Variants in MAP3K13 observed in about 807,000 individuals in gnomAD.
MAP3K13 encodes leucine zipper-bearing kinase.
In MAP3K13, 52 loss-of-function variants were observed where a neutral mutation model predicts 104.0. The observed-to-expected ratio is 0.50, with a 90% CI of 0.40 to 0.63. The LOEUF (loss-of-function observed/expected upper bound fraction) is 0.63, where lower values mean the gene tolerates loss of function less well. Ranked by LOEUF, MAP3K13 falls within the 20% of genes least tolerant of loss-of-function variation. The probability of loss-of-function intolerance (pLI) is 0.00; values close to 1 mark genes in which losing one functional copy is unlikely to be tolerated. For synonymous variants in MAP3K13, 394 were observed against 442.2 expected (o/e 0.89, Z 1.37); for missense variants, 914 against 1,218.5 (o/e 0.75, Z 3.72).
At chr3:185,448,017 C>T (rs1392204878) in intron 5 of MAP3K13, 70 bp downstream of exon 5, 2 of 1,458,830 alleles carry the variant, frequency 1.4e-6, no homozygotes, top group Non-Finnish European at 1.9e-6. Flanking sequence ...CACTGTCTTC[C>T]TTCAGCACTT....
chr3:185,325,099 G>T (rs1722001783), intron 2 of MAP3K13, among the ~76,000 whole-genome samples: 1 of 152,136 alleles, frequency 6.6e-6, no homozygotes, highest in Admixed American at 6.5e-5. Context: ...TAATAATTTG[G>T]GTGAAATCAT....
intron 2 of MAP3K13, among the ~76,000 whole-genome samples, chr3:185,305,007 T>G (rs1204868559): frequency 6.6e-6 from 1 of 152,250 alleles, no homozygotes; most frequent in Non-Finnish European, 1.5e-5. Flanking sequence ...ATGTGTGTTC[T>G]TATATCTAAA....
chr3:185,399,555 C>T (rs1289526014), intron 1 of MAP3K13, among the ~76,000 whole-genome samples: 1 of 147,416 alleles, frequency 6.8e-6, no homozygotes, highest in Non-Finnish European at 1.5e-5. Flanking sequence ...TTGCAGTGAG[C>T]GGAGATCACA....
chr3:185,342,888 G>A (rs1722771608), intron 2 of MAP3K13, among the ~76,000 whole-genome samples: 1 of 152,202 alleles, frequency 6.6e-6, no homozygotes, highest in Non-Finnish European at 1.5e-5. Flanking sequence ...TTCTCTGGAT[G>A]CTTAACTGGG....
rs988869308 is a variant in MAP3K13 at position 185,349,640 on chromosome 3, G to A, written c.-86+63997G>A. Among the ~76,000 whole-genome samples the A allele has an allele frequency of 2.6e-5, 4 of 152,228 alleles. 1 individual carries two copies. Among genetic ancestry groups the A allele is most frequent in the Non-Finnish European group, 2.9e-5 (2 of 68,034 alleles). ...ATCCCAGCCCAAATTCTGTATGTGA[G>A]ACGTATTAAGAAAGGAAACTTTCCA... On this transcript the variant is annotated intron_variant, in intron 2 of 14. Coordinates refer to the MAP3K13 transcript ENST00000424227.
At chr3:185,452,235 A>AT (rs1715931390) in intron 7 of MAP3K13, among the ~76,000 whole-genome samples, 2 of 151,916 alleles carry the variant, frequency 1.3e-5, no homozygotes, top group South Asian at 4.2e-4. Flanking sequence ...TTTTATTTTT[A>AT]TTTTTTGAGA....
chr3:185,331,820 A>T (rs1184242944), intron 2 of MAP3K13, among the ~76,000 whole-genome samples: 1 of 152,162 alleles, frequency 6.6e-6, no homozygotes, highest in Non-Finnish European at 1.5e-5. Flanking sequence ...GAGTTTCTTG[A>T]TATATGTAGT....
chr3:185,453,670 G>A (rs889252170), intron 7 of MAP3K13, among the ~76,000 whole-genome samples: 1 of 151,252 alleles, frequency 6.6e-6, no homozygotes, highest in Non-Finnish European at 1.5e-5. Context: ...TCAGGAGGCT[G>A]AGGCAGGAGA....
intron 10 of MAP3K13, among the ~76,000 whole-genome samples, chr3:185,467,796 A>G (rs867010791): frequency 3.3e-5 from 5 of 151,976 alleles, no homozygotes; most frequent in African/African-American, 4.8e-5. Flanking sequence ...AAAAAAAAAA[A>G]AAAGAAATAC....
chr3:185,336,712 A>T (rs930007382), intron 2 of MAP3K13, among the ~76,000 whole-genome samples: 1 of 151,404 alleles, frequency 6.6e-6, no homozygotes, highest in Non-Finnish European at 1.5e-5. Flanking sequence ...TAGACTATAC[A>T]TGACTGGAAG....
chr3:185,455,775 T>TATATATATGAGATATATATATGAG (rs1716660017), intron 7 of MAP3K13, among the ~76,000 whole-genome samples: 2 of 66,566 alleles, frequency 3.0e-5, no homozygotes, highest in African/African-American at 6.3e-5. Flanking sequence ...ATATATATGA[T>TATATATATGAGATATATATATGAG]ATATATATGA....
chr3:185,377,111 G>A (rs1724466344), intron 1 of MAP3K13, among the ~76,000 whole-genome samples: 1 of 152,112 alleles, frequency 6.6e-6, no homozygotes, highest in South Asian at 2.1e-4. Flanking sequence ...GGGTGCATAG[G>A]CAAGACAATT....
chr3:185,388,418 C>T (rs1711831572), intron 1 of MAP3K13, among the ~76,000 whole-genome samples: 1 of 152,014 alleles, frequency 6.6e-6, no homozygotes, highest in Non-Finnish European at 1.5e-5. Flanking sequence ...GGGAGCATTG[C>T]TTGAGCCCAG....
intron 2 of MAP3K13, among the ~76,000 whole-genome samples, chr3:185,324,940 T>C (rs2108699384): frequency 1.3e-5 from 2 of 152,188 alleles, no homozygotes; most frequent in East Asian, 3.8e-4. Context: ...ACTACAAAAA[T>C]ATAAGCTGTA....
chr3:185,307,506 T>A (rs551840485), intron 2 of MAP3K13, among the ~76,000 whole-genome samples: 6 of 151,394 alleles, frequency 4.0e-5, no homozygotes, highest in Non-Finnish European at 8.8e-5. Flanking sequence ...TTCAGTTTTA[T>A]ATTCTTCAGC....
At chr3:185,343,704 G>A (rs1311180385) in intron 2 of MAP3K13, among the ~76,000 whole-genome samples, 1 of 152,166 alleles carries the variant, frequency 6.6e-6, no homozygotes, top group Non-Finnish European at 1.5e-5. Context: ...GCCCGCCTTG[G>A]CCTCCCAAAG....
At chr3:185,464,734 G>A (rs888278676) in intron 8 of MAP3K13, among the ~76,000 whole-genome samples, 5 of 152,120 alleles carry the variant, frequency 3.3e-5, no homozygotes, top group African/African-American at 4.8e-5. Context: ...ATGCTATAAC[G>A]AACTTTAGAC....
intron 3 of MAP3K13, among the ~76,000 whole-genome samples, chr3:185,441,048 G>T (rs1715292869): frequency 1.3e-5 from 2 of 152,190 alleles, no homozygotes; most frequent in Non-Finnish European, 2.9e-5. Flanking sequence ...AGGCAGTATT[G>T]TACAGAGTGG....
intron 1 of MAP3K13, among the ~76,000 whole-genome samples, chr3:185,402,163 G>T (rs1258578511): frequency 6.6e-6 from 1 of 152,118 alleles, no homozygotes; most frequent in African/African-American, 2.4e-5. Flanking sequence ...TCTTAAAAAC[G>T]GTCCTAGGAA....
Sources: gnomAD v4.1 joint callset for allele counts (sites outside exome capture counted in the v4.1 genomes callset) on GRCh38, gnomAD v4.1.1 for gene constraint, MANE v1.5 for transcripts, NCBI Gene and HGNC (gene_info 2026-07-23, HGNC 2026-07-21) for gene names.